Variants in POU2F1 observed in about 807,000 individuals in gnomAD.
POU2F1 encodes POU domain, class 2, transcription factor 1.
POU2F1 carries 16 observed loss-of-function variants against 84.9 expected under a neutral mutation model. The ratio of observed to expected loss-of-function variants is 0.19; its 90% CI spans 0.13 to 0.29. The LOEUF (loss-of-function observed/expected upper bound fraction) is 0.29. Among genes scored for constraint, POU2F1 ranks in the 10% least tolerant of loss-of-function variants. The pLI is 1.00. For synonymous variants in POU2F1, 368 were observed against 368.3 expected (o/e 1.00, Z 0.01); for missense variants, 738 against 942.6 (o/e 0.78, Z 2.84).
At chr1:167,231,061 A>G (rs988598500) in intron 1 of POU2F1, among the ~76,000 whole-genome samples, 1 of 152,234 alleles carries the variant, frequency 6.6e-6, no homozygotes, top group African/African-American at 2.4e-5. Flanking sequence ...TTAATGCACC[A>G]GAAAGGCCCT....
chr1:167,245,483 A>G (rs930531271), intron 1 of POU2F1, among the ~76,000 whole-genome samples: 10 of 146,902 alleles, frequency 6.8e-5, no homozygotes, highest in Non-Finnish European at 1.5e-4. Context: ...GTGTGATCTC[A>G]GCTCACTGCA....
At chr1:167,223,016 C>G (rs191979955) in intron 1 of POU2F1, among the ~76,000 whole-genome samples, 3 of 152,130 alleles carry the variant, frequency 2.0e-5, no homozygotes, top group Non-Finnish European at 4.4e-5. Flanking sequence ...CAATTAACAA[C>G]AGTTTCATAA....
intron 3 of POU2F1, among the ~76,000 whole-genome samples, chr1:167,368,722 G>A (rs887257131): frequency 7.2e-5 from 11 of 151,996 alleles, no homozygotes; most frequent in Non-Finnish European, 1.6e-4. Context: ...TTGGTTTTTT[G>A]TTTTTGTGTT....
At chr1:167,263,002 T>TC (rs1329274878) in intron 1 of POU2F1, among the ~76,000 whole-genome samples, 4 of 152,156 alleles carry the variant, frequency 2.6e-5, no homozygotes, top group Non-Finnish European at 5.9e-5. Flanking sequence ...ACTGAAGTGT[T>TC]TTGAGTAATA....
intron 1 of POU2F1, among the ~76,000 whole-genome samples, chr1:167,233,597 G>A (rs1649231020): frequency 1.3e-5 from 2 of 152,142 alleles, no homozygotes; most frequent in Admixed American, 1.3e-4. Flanking sequence ...GTGTAAATAT[G>A]CTCTGTGATC....
intron 1 of POU2F1, among the ~76,000 whole-genome samples, chr1:167,252,408 G>T (rs1650798499): frequency 6.6e-6 from 1 of 152,098 alleles, no homozygotes; most frequent in Admixed American, 6.6e-5. Context: ...GTAGTTCTTT[G>T]TAGTTTGTGC....
chr1:167,232,882 TA>T (rs1368619545), intron 1 of POU2F1, among the ~76,000 whole-genome samples: 1 of 152,076 alleles, frequency 6.6e-6, no homozygotes, highest in African/African-American at 2.4e-5. Context: ...CTAGTTAATT[TA>T]TTATTGAACA....
At chr1:167,393,766 A>G (rs1225589911) in intron 9 of POU2F1, among the ~76,000 whole-genome samples, 1 of 152,148 alleles carries the variant, frequency 6.6e-6, no homozygotes, top group African/African-American at 2.4e-5. Context: ...GAAGTTTGTG[A>G]AAATTTGTAG....
chr1:167,320,098 T>C (rs1656204902), intron 1 of POU2F1, among the ~76,000 whole-genome samples: 2 of 150,360 alleles, frequency 1.3e-5, no homozygotes. Flanking sequence ...ATTCTACTCC[T>C]AACTGCTGTT....
chr1:167,242,316 A>T (rs1649970943), intron 1 of POU2F1, among the ~76,000 whole-genome samples: 1 of 152,244 alleles, frequency 6.6e-6, no homozygotes. Flanking sequence ...CACTATGAGC[A>T]GTGATAGAAG....
intron 1 of POU2F1, among the ~76,000 whole-genome samples, chr1:167,259,061 G>A (rs2814036): frequency 0.092 from 13,991 of 152,188 alleles, 1,609 homozygotes; most frequent in African/African-American, 0.28. Context: ...AGGCTTACTC[G>A]TGTATCTATG....
At chr1:167,303,443 GT>G (rs906653547) in intron 1 of POU2F1, 5 of 154,312 alleles carry the variant, frequency 3.2e-5, no homozygotes, top group African/African-American at 7.2e-5. Context: ...AGCTTACTCA[GT>G]TTTGCCTTTT....
intron 12 of POU2F1, among the ~76,000 whole-genome samples, 175 bp from the exon 13 acceptor site, chr1:167,401,276 T>G (rs185463891): frequency 1.7e-3 from 262 of 152,344 alleles, no homozygotes; most frequent in Middle Eastern, 3.4e-3. Context: ...TATTTATTTT[T>G]AAAACCCAGG....
At position 167,401,501 on chromosome 1, in the gene POU2F1, A is replaced by C; in HGVS notation, c.1500A>C (p.Thr500=). The part of the protein sequence containing the change: ...LVTSSAATTL[T]VSPVLPLTSA... The stretch of plus-strand genomic sequence containing the variant: ...CTAGCAGTGCAGCAACTACCCTCAC[A>C]GTCAGCCCTGTCCTCCCTCTGACCA... The change falls in exon 13 of 16, where the codon ACA becomes ACC. Residue 500 remains threonine, a synonymous_variant. Coordinates refer to ENST00000367866, the MANE Select transcript of POU2F1 (RefSeq NM_002697.4). 1 of 1,613,504 alleles carries C rather than the reference A, an allele frequency of 6.2e-7. No individual in the cohort carries two copies. The highest frequency in any genetic ancestry group is 1.3e-5 in the African/African-American group (1 of 75,020).
intron 1 of POU2F1, chr1:167,303,381 G>GT (rs1654848906): frequency 6.5e-6 from 1 of 154,266 alleles, no homozygotes; most frequent in Non-Finnish European, 1.5e-5. Flanking sequence ...ATAGTCTGGT[G>GT]TCCCCCACTG....
rs1650659714 is a variant in POU2F1, at chr1:167,421,717, A to G, written c.*5907A>G. ...TGGCACCTTCATAAAATACCTCAGA[A>G]TAGCTTAGCATTGTTGCAAAACTGG... On this transcript the variant is annotated 3_prime_UTR_variant, in exon 16 of 16. Coordinates refer to ENST00000367866, the MANE Select transcript of POU2F1 (RefSeq NM_002697.4). The G allele has an allele frequency of 6.6e-6, 1 of 152,208 alleles. No individual in the cohort carries two copies. The highest frequency in any genetic ancestry group is 1.5e-5 in the Non-Finnish European group (1 of 68,040). 9.4% of individuals were successfully genotyped at this position (152,208 alleles called of 1,614,324 possible). A position where few individuals can be genotyped will look rare whatever the true frequency, so the allele number is the denominator to read the frequency against.
intron 2 of POU2F1, among the ~76,000 whole-genome samples, chr1:167,336,920 C>A (rs751653674): frequency 5.3e-4 from 81 of 152,052 alleles, no homozygotes; most frequent in Non-Finnish European, 1.0e-3. Context: ...AATCCCAGCA[C>A]TTTGGGAGGC....
intron 13 of POU2F1, among the ~76,000 whole-genome samples, chr1:167,403,280 T>C (rs1352477273): frequency 6.6e-6 from 1 of 152,242 alleles, no homozygotes; most frequent in South Asian, 2.1e-4. Flanking sequence ...ATGTACAGTT[T>C]CAGTAGTATT....
chr1:167,386,257 A>G (rs1405252427), intron 8 of POU2F1, among the ~76,000 whole-genome samples: 1 of 152,188 alleles, frequency 6.6e-6, no homozygotes, highest in African/African-American at 2.4e-5. Flanking sequence ...CAGTGGCACA[A>G]TCACAGCCCA....
Sources: allele counts gnomAD v4.1 joint callset (sites outside exome capture counted in the v4.1 genomes callset), GRCh38; gene constraint gnomAD v4.1.1; transcripts MANE v1.5; gene names NCBI Gene and HGNC (gene_info 2026-07-23, HGNC 2026-07-21).